The following RGS7 variants were observed in gnomAD, a reference collection of about 807,000 sequenced individuals.
The protein encoded by RGS7 is regulator of G-protein signaling 7.
RGS7 carries 27 observed loss-of-function variants against 81.1 expected under a neutral mutation model. The ratio of observed to expected loss-of-function variants is 0.33; its 90% CI spans 0.25 to 0.46. The LOEUF is 0.46. Ranked by LOEUF, RGS7 falls within the 20% of genes least tolerant of loss-of-function variation. The pLI, the probability that RGS7 is intolerant of heterozygous loss-of-function variation, is 1.00. For synonymous variants in RGS7, 208 were observed against 207.7 expected (o/e 1.00, Z -0.01); for missense variants, 396 against 607.4 (o/e 0.65, Z 3.66).
intron 3 of RGS7, among the ~76,000 whole-genome samples, chr1:241,080,325 A>C (rs1357089113): frequency 1.3e-5 from 2 of 152,064 alleles, no homozygotes; most frequent in African/African-American, 2.4e-5. Flanking sequence ...AAAAGGCTAT[A>C]AGGTACCTTG....
chr1:240,973,801 C>T lies in RGS7; in HGVS notation c.226+9278G>A, dbSNP rs146077553. Among the ~76,000 whole-genome samples the T allele has an allele frequency of 6.4e-3, 973 of 151,930 alleles. 13 individuals carry two copies. The highest frequency in any genetic ancestry group is 0.022 in the African/African-American group (929 of 41,436). On this transcript the variant is annotated intron_variant, in intron 4 of 18. Transcript: ENST00000440928. Reference sequence around the variant, plus strand: ...TAGAGACGGGGTTTCACCGTGGTCTCGATCTCCTGACCTTGTGATCCATCC... The same window carrying T: ...TAGAGACGGGGTTTCACCGTGGTCTTGATCTCCTGACCTTGTGATCCATCC...
intron 18 of RGS7, among the ~76,000 whole-genome samples, chr1:240,789,151 A>G (rs145651884): frequency 1.3e-5 from 2 of 152,146 alleles, no homozygotes; most frequent in East Asian, 3.9e-4. Context: ...CTTTACTGCA[A>G]TCTCTGAACA....
chr1:241,106,716 C>CAAAA (rs757488665), intron 2 of RGS7, among the ~76,000 whole-genome samples: 1 of 34,042 alleles, frequency 2.9e-5, no homozygotes, highest in Non-Finnish European at 6.9e-5. Flanking sequence ...ACTCCGTCTC[C>CAAAA]AAAAAAAAAA....
chr1:241,315,956 T>C (rs2080845913), intron 2 of RGS7, among the ~76,000 whole-genome samples: 1 of 152,226 alleles, frequency 6.6e-6, no homozygotes, highest in African/African-American at 2.4e-5. Context: ...TTGAGATGAC[T>C]GTGTGATTTT....
intron 9 of RGS7, among the ~76,000 whole-genome samples, chr1:240,860,222 GGTGAACTTCA>G (rs1480415997): frequency 1.3e-5 from 2 of 152,052 alleles, no homozygotes; most frequent in African/African-American, 4.8e-5. Context: ...GTTGATTGAC[GGTGAACTTCA>G]GTTAAACCTT....
Position 240,827,188 on chromosome 1 carries a change from C to T in RGS7, c.610-16G>A. 1 of 1,595,442 alleles carries T rather than the reference C, an allele frequency of 6.3e-7. No individual in the cohort carries two copies. Among genetic ancestry groups the T allele is most frequent in the Non-Finnish European group, 8.6e-7 (1 of 1,163,036 alleles). On this transcript the variant is annotated splice_polypyrimidine_tract_variant and intron_variant, in intron 9 of 18. Coordinates refer to ENST00000440928, the MANE Select transcript of RGS7 (RefSeq NM_001364886.1). Reference sequence around the variant, plus strand: ...CACATCCAGGCTGGGAATGGAAAAACAGAGAGACAAATGAATCTTTGGGTG... The same window carrying T: ...CACATCCAGGCTGGGAATGGAAAAATAGAGAGACAAATGAATCTTTGGGTG...
At chr1:241,281,726 C>T (rs995373393) in intron 2 of RGS7, among the ~76,000 whole-genome samples, 2 of 152,148 alleles carry the variant, frequency 1.3e-5, no homozygotes, top group Non-Finnish European at 2.9e-5. Context: ...TTCTTAGTAA[C>T]ATTTCCTTTT....
At chr1:241,201,807 A>T (rs1251799118) in intron 2 of RGS7, among the ~76,000 whole-genome samples, 2 of 152,196 alleles carry the variant, frequency 1.3e-5, no homozygotes, top group Non-Finnish European at 1.5e-5. Context: ...CCGAGGTCTT[A>T]CTAAAGTGAA....
chr1:240,921,141 C>A (rs991636681), intron 6 of RGS7, among the ~76,000 whole-genome samples: 1 of 151,750 alleles, frequency 6.6e-6, no homozygotes, highest in African/African-American at 2.4e-5. Flanking sequence ...ACTGTTGTGA[C>A]CTGAAGTTCA....
intron 6 of RGS7, among the ~76,000 whole-genome samples, chr1:240,917,748 T>C (rs1180658616): frequency 4.6e-5 from 7 of 152,286 alleles, no homozygotes; most frequent in South Asian, 4.1e-4. Flanking sequence ...GTAACAGTTA[T>C]AGATATTAAA....
intron 3 of RGS7, among the ~76,000 whole-genome samples, chr1:241,069,315 G>C (rs779695122): frequency 2.6e-5 from 4 of 152,150 alleles, no homozygotes; most frequent in Non-Finnish European, 5.9e-5. Flanking sequence ...TTTCTCCAGA[G>C]ATACAATGCT....
intron 2 of RGS7, among the ~76,000 whole-genome samples, chr1:241,130,193 G>A (rs946135792): frequency 6.6e-6 from 1 of 152,100 alleles, no homozygotes; most frequent in Non-Finnish European, 1.5e-5. Flanking sequence ...AATGGAAGTG[G>A]AGGTTAGAAT....
At chr1:241,023,419 G>C (rs948233944) in intron 3 of RGS7, among the ~76,000 whole-genome samples, 1 of 152,178 alleles carries the variant, frequency 6.6e-6, no homozygotes, top group South Asian at 2.1e-4. Flanking sequence ...CCTTTGAAAA[G>C]TCATCATCAA....
chr1:241,247,613 A>C (rs930151462), intron 2 of RGS7, among the ~76,000 whole-genome samples: 1 of 152,160 alleles, frequency 6.6e-6, no homozygotes, highest in African/African-American at 2.4e-5. Context: ...CAATGCAATC[A>C]TACAGGTGGT....
intron 9 of RGS7, among the ~76,000 whole-genome samples, chr1:240,845,317 C>T (rs569817367): frequency 1.3e-5 from 2 of 152,266 alleles, no homozygotes; most frequent in African/African-American, 4.8e-5. Flanking sequence ...CATATACTGC[C>T]CTTTGCCTCA....
At chr1:241,090,589 T>C (rs1345271784) in intron 3 of RGS7, among the ~76,000 whole-genome samples, 1 of 152,222 alleles carries the variant, frequency 6.6e-6, no homozygotes, top group African/African-American at 2.4e-5. Context: ...GAGATTTCCA[T>C]TGATGTGTTG....
At chr1:241,293,046 T>C (rs2079175586) in intron 2 of RGS7, among the ~76,000 whole-genome samples, 1 of 152,238 alleles carries the variant, frequency 6.6e-6, no homozygotes, top group Admixed American at 6.5e-5. Context: ...TACAAAACTT[T>C]GCACATGCGG....
In RGS7 at chr1:241,259,685, T is replaced by TATATAA. The variant is rs1302382859; in HGVS notation, c.78+96013_78+96014insTTATAT. On this transcript the variant is annotated intron_variant, in intron 2 of 18. Transcript: ENST00000440928. The stretch of plus-strand genomic sequence containing the variant: ...AAAAAAAAATATATATATATATATA[T>TATATAA]AATTAAAATACCAATCTAACAGCAA... Among the ~76,000 whole-genome samples, 39 of 100,790 alleles carry TATATAA rather than the reference T, an allele frequency of 3.9e-4. 2 individuals are homozygous for TATATAA. Among genetic ancestry groups the TATATAA allele is most frequent in the African/African-American group, 1.3e-3 (36 of 28,112 alleles). 66.1% of individuals were successfully genotyped at this position (100,790 alleles called of 152,430 possible). A position where few individuals can be genotyped will look rare whatever the true frequency, so the allele number is the denominator to read the frequency against.
intron 2 of RGS7, among the ~76,000 whole-genome samples, chr1:241,099,363 T>G (rs1262816468): frequency 2.0e-5 from 3 of 151,710 alleles, no homozygotes; most frequent in Admixed American, 6.6e-5. Flanking sequence ...GCACATACAC[T>G]CCACACATGC....
Sources: gnomAD v4.1 joint callset for allele counts (sites outside exome capture counted in the v4.1 genomes callset) on GRCh38, gnomAD v4.1.1 for gene constraint, MANE v1.5 for transcripts, NCBI Gene and HGNC (gene_info 2026-07-23, HGNC 2026-07-21) for gene names.